The following VGF variants were observed in gnomAD, a reference collection of about 807,000 sequenced individuals.
VGF encodes the protein neurosecretory protein VGF.
Under a neutral mutation model 41.1 loss-of-function variants are expected in VGF, and 13 were observed. The ratio of observed to expected loss-of-function variants is 0.32; its 90% CI spans 0.21 to 0.50. The LOEUF (loss-of-function observed/expected upper bound fraction) is 0.50, where lower values mean the gene tolerates loss of function less well. Among genes scored for constraint, VGF ranks in the 20% least tolerant of loss-of-function variants. The pLI, the probability that VGF is intolerant of heterozygous loss-of-function variation, is 0.98. For missense variants in VGF, 920 were observed against 882.1 expected, an observed-to-expected ratio of 1.04 and a Z score of -0.54; for synonymous variants, 473 against 418.3, an observed-to-expected ratio of 1.13 and a Z score of -1.60.
Position 101,163,112 on chromosome 7 carries a change from C to G in VGF, c.1732G>C (p.Gly578Arg). 6.3e-7 allele frequency: 1 copy of G among 1,583,848 alleles called. No homozygotes were observed. The highest frequency in any genetic ancestry group is 8.6e-7 in the Non-Finnish European group (1 of 1,168,482). ...GCGCGCCGCGCCTGGGCCTCCCGGCCGGGATAGTGGCGCGAAGGCGGCAAG... is the reference window on the plus strand; with the variant it reads ...GCGCGCCGCGCCTGGGCCTCCCGGCGGGGATAGTGGCGCGAAGGCGGCAAG... ...HALPPSRHYP[G>R]REAQARRAQE... The change falls in exon 2 of 2, where the codon GGC (glycine) becomes CGC (arginine). Residue 578 changes from glycine to arginine, a missense_variant. By Grantham distance (125) the Gly-to-Arg change is moderately radical. Coordinates refer to ENST00000249330, the MANE Select transcript of VGF (RefSeq NM_003378.4). The surrounding 1 kb of genome is among the most constrained non-coding windows in gnomAD (Gnocchi z 5.0).
In VGF at chr7:101,164,674, G is replaced by A. The variant is rs1397920592; in HGVS notation, c.170C>T (p.Pro57Leu). ...AVPGPKDGSA[P>L]EVRGARNSEP... ...GGAATTCCGAGCGCCTCGGACCTCT[G>A]GGGCGCTGCCATCCTTTGGCCCGGG... The change falls in exon 2 of 2, where the codon CCA becomes CTA. Residue 57 changes from proline (P) to leucine (L), a missense_variant. By Grantham distance (98) the Pro-to-Leu change is moderately conservative. Coordinates refer to ENST00000249330, the MANE Select transcript of VGF (RefSeq NM_003378.4). The A allele has an allele frequency of 2.5e-6, 4 of 1,597,382 alleles. No individual in the cohort carries two copies. The East Asian group carries it at 9.1e-5, about 36-fold the overall frequency.
In VGF at chr7:101,163,078, T is replaced by A. The variant is rs746617291; in HGVS notation, c.1766A>T (p.Glu589Val). 6.3e-7 allele frequency: 1 copy of A among 1,576,194 alleles called. No individual in the cohort carries two copies. The highest frequency in any genetic ancestry group is 1.4e-5 in the African/African-American group (1 of 70,662). Residue 589 changes from glutamate to valine, a missense_variant, in exon 2 of 2, where the codon GAG (glutamate) becomes GTG (valine). Glu to Val is a moderately radical substitution (Grantham distance 121). Around this residue, in one of 3 missense-constraint regions of VGF, gnomAD observed 257 missense variants for 217.2 expected, o/e 1.18. Coordinates refer to ENST00000249330, the MANE Select transcript of VGF (RefSeq NM_003378.4). This position sits in a 1 kb window ranked among gnomAD's most constrained non-coding sequence, Gnocchi z 5.0. ...CAGCCGGCGCTCCTCCGCCTCCGCC[T>A]CCTCCTGCGCGCGCCGCGCCTGGGC... Reference protein sequence around the residue: ...REAQARRAQEEAEAEERRLQE... With the variant: ...REAQARRAQEVAEAEERRLQE...
rs1797191959 is a variant in VGF at position 101,164,799 on chromosome 7, C to T, written c.45G>A (p.Leu15=). 1.9e-6 allele frequency: 3 copies of T among 1,583,416 alleles called. No homozygotes were observed. Among genetic ancestry groups the T allele is most frequent in the Non-Finnish European group, 2.6e-6 (3 of 1,160,610 alleles). Residue 15 remains leucine (L), a synonymous_variant, in exon 2 of 2, where the codon CTG becomes CTA. Coordinates refer to ENST00000249330, the MANE Select transcript of VGF (RefSeq NM_003378.4). ...GTGCTGCCCCTAACCCGTTGATCAG[C>T]AGAAGGCAGAAGAGGGCGGAAGCCG... The part of the protein sequence containing the change: ...RLSASALFCL[L]LINGLGAAPP...
chr7:101,167,368 G>A (rs1466374008), upstream of VGF, among the ~76,000 whole-genome samples: 1 of 152,044 alleles, frequency 6.6e-6, no homozygotes. This position sits in a 1 kb window ranked among gnomAD's most constrained non-coding sequence, Gnocchi z 4.2. Flanking sequence ...CAAGGTGACA[G>A]TGGAGATTCC....
chr7:101,164,484 G>A lies in VGF; in HGVS notation c.360C>T (p.Arg120=). 6.2e-7 allele frequency: 1 copy of A among 1,601,908 alleles called. No homozygotes were observed. Among genetic ancestry groups the A allele is most frequent in the East Asian group, 2.2e-5 (1 of 44,812 alleles). The change falls in exon 2 of 2, where the codon CGC becomes CGT. Residue 120 remains arginine, a synonymous_variant. Transcript: ENST00000249330. ...GCGCCGGGAGGCTGTGGGTCTGGCT[G>A]CGCACGGTCTCGGTCAGCAGAGCTT... The part of the protein sequence containing the change: ...AAEALLTETV[R]SQTHSLPAPE...
upstream of VGF, among the ~76,000 whole-genome samples, chr7:101,166,518 G>C (rs929772782): frequency 2.7e-4 from 41 of 150,546 alleles, no homozygotes; most frequent in Non-Finnish European, 3.4e-4. Flanking sequence ...GCGCAGGTGG[G>C]GGGGGGGTGA....
Position 101,164,106 on chromosome 7 carries a change from C to A in VGF, c.738G>T (p.Lys246Asn). 6.7e-7 allele frequency: 1 copy of A among 1,501,206 alleles called. No individual in the cohort carries two copies. Among genetic ancestry groups the A allele is most frequent in the South Asian group, 1.3e-5 (1 of 75,202 alleles). The allele number at this position is 1,501,206 out of a possible 1,614,324, so 93.0% of individuals were successfully genotyped here. Residue 246 changes from lysine (K) to asparagine (N), a missense_variant, in exon 2 of 2, where the codon AAG becomes AAT. This residue lies in a region of VGF where 654 missense variants were observed against 638.4 expected (regional missense o/e 1.02). Transcript: ENST00000249330. ...PDSGPLPETH[K>N]FGEGVSSPKT... ...TGGGGGAGGACACTCCTTCCCCGAA[C>A]TTGTGGGTTTCGGGAAGGGGCCCGC... is the stretch of plus-strand genomic sequence containing the variant.
At chr7:101,167,939 G>C (rs138355562), upstream of VGF, among the ~76,000 whole-genome samples, 286 of 151,750 alleles carry the variant, frequency 1.9e-3, 1 homozygote, top group African/African-American at 6.6e-3. This position sits in a 1 kb window ranked among gnomAD's most constrained non-coding sequence, Gnocchi z 4.2. Context: ...ATTCCAGTCT[G>C]TGTGGCTGTG....
chr7:101,162,709 T>C lies in VGF; in HGVS notation c.*287A>G. 1.8e-6 allele frequency: 1 copy of C among 555,334 alleles called. No homozygotes were observed. The highest frequency in any genetic ancestry group is 4.5e-5 in the East Asian group (1 of 22,362). 34.4% of individuals were successfully genotyped at this position (555,334 alleles called of 1,614,324 possible). On this transcript the variant is annotated 3_prime_UTR_variant, in exon 2 of 2. Transcript: ENST00000249330. This position sits in a 1 kb window ranked among gnomAD's most constrained non-coding sequence, Gnocchi z 4.2. ...CTTTTTCCGGTTTCCGACGGGGACG[T>C]CCCCAGAGGGACTTGATGGGGCCGG...
At position 101,164,482 on chromosome 7, in the gene VGF, C is replaced by G. The variant is rs1797182334; in HGVS notation, c.362G>C (p.Ser121Thr). Residue 121 changes from serine (S) to threonine (T), a missense_variant, in exon 2 of 2, where the codon AGC (serine) becomes ACC (threonine). Ser to Thr is a moderately conservative substitution (Grantham distance 58, BLOSUM62 1). Transcript: ENST00000249330. ...AEALLTETVRSQTHSLPAPES... is the reference protein window; with the variant it reads ...AEALLTETVRTQTHSLPAPES... ...CGGCGCCGGGAGGCTGTGGGTCTGG[C>G]TGCGCACGGTCTCGGTCAGCAGAGC... is the stretch of plus-strand genomic sequence containing the variant. 1.9e-6 allele frequency: 3 copies of G among 1,601,968 alleles called. No homozygotes were observed. Among genetic ancestry groups the G allele is most frequent in the Non-Finnish European group, 2.5e-6 (3 of 1,178,948 alleles).
upstream of VGF, among the ~76,000 whole-genome samples, chr7:101,168,434 G>A (rs1797255851): frequency 6.6e-6 from 1 of 152,156 alleles, no homozygotes; most frequent in Non-Finnish European, 1.5e-5. Flanking sequence ...CTGGGGGTGA[G>A]CTGTGCCCTT....
At chr7:101,167,576 C>T (rs551636548), upstream of VGF, among the ~76,000 whole-genome samples, 338 of 151,984 alleles carry the variant, frequency 2.2e-3, 1 homozygote, top group African/African-American at 7.8e-3. The surrounding 1 kb of genome is among the most constrained non-coding windows in gnomAD (Gnocchi z 4.2). Flanking sequence ...AGAGAGATGG[C>T]TCAGACATCT....
At chr7:101,165,260 T>G in intron 1 of VGF, 114 bp downstream of exon 1, 3 of 988,288 alleles carry the variant, frequency 3.0e-6, no homozygotes, top group East Asian at 1.1e-4. Context: ...CGGGGACCCT[T>G]ACCAGGGGGC....
intron 1 of VGF, 103 bp from the exon 2 acceptor site, chr7:101,164,966 C>T (rs1797194889): frequency 2.1e-6 from 3 of 1,418,194 alleles, no homozygotes; most frequent in Non-Finnish European, 2.8e-6. Flanking sequence ...CCGGGGCTTC[C>T]CTGATCCCCC....
At chr7:101,169,947 C>T (rs1797280750), upstream of VGF, among the ~76,000 whole-genome samples, 1 of 152,248 alleles carries the variant, frequency 6.6e-6, no homozygotes, top group South Asian at 2.1e-4. Flanking sequence ...CGTCCGCGCA[C>T]GTCCTGGCGC....
upstream of VGF, among the ~76,000 whole-genome samples, chr7:101,167,922 A>T (rs1797244557): frequency 2.0e-5 from 3 of 149,682 alleles, no homozygotes; most frequent in African/African-American, 7.4e-5. The surrounding 1 kb of genome is among the most constrained non-coding windows in gnomAD (Gnocchi z 4.2). Context: ...TAACTATGTG[A>T]TGTTCTATTC....
Position 101,163,870 on chromosome 7 carries a change from G to A in VGF, c.974C>T (p.Ala325Val). 1 of 1,480,398 alleles carries A rather than the reference G, an allele frequency of 6.8e-7. No homozygotes were observed. Among genetic ancestry groups the A allele is most frequent in the South Asian group, 1.3e-5 (1 of 75,110 alleles). The allele number at this position is 1,480,398 out of a possible 1,614,324, so 91.7% of individuals were successfully genotyped here. A position where few individuals can be genotyped will look rare whatever the true frequency, so the allele number is the denominator to read the frequency against. ...GAGCAGCAGGTCCGAGGCGAGGTCG[G>A]CCAGCCGCTCTTCCTGCGCCGCGGC... ...RQAAAQEERLADLASDLLLQY... is the reference protein window; with the variant it reads ...RQAAAQEERLVDLASDLLLQY... Residue 325 changes from alanine to valine, a missense_variant, in exon 2 of 2, where the codon GCC (alanine) becomes GTC (valine). Coordinates refer to ENST00000249330, the MANE Select transcript of VGF (RefSeq NM_003378.4). This position sits in a 1 kb window ranked among gnomAD's most constrained non-coding sequence, Gnocchi z 5.0.
chr7:101,163,298 C>T lies in VGF; in HGVS notation c.1546G>A (p.Ala516Thr). Residue 516 changes from alanine (A) to threonine (T), a missense_variant, in exon 2 of 2, where the codon GCA becomes ACA. Physicochemically the swap from Ala to Thr is moderately conservative, Grantham distance 58 (BLOSUM62 0). Around this residue, in one of 3 missense-constraint regions of VGF, gnomAD observed 257 missense variants for 217.2 expected, o/e 1.18. Transcript: ENST00000249330. This position sits in a 1 kb window ranked among gnomAD's most constrained non-coding sequence, Gnocchi z 5.0. ...TTCCAGTCCGGCAGCTCGTCTCGTG[C>T]GGGAGCGGGGGCGGGGGGCGGGGGC... ...PQPPPPAPAP[A>T]RDELPDWNEV... 3 of 890,496 alleles carry T rather than the reference C, an allele frequency of 3.4e-6. No individual in the cohort carries two copies. Among genetic ancestry groups the T allele is most frequent in the Non-Finnish European group, 2.9e-6 (2 of 701,546 alleles). 55.2% of individuals were successfully genotyped at this position (890,496 alleles called of 1,614,324 possible).
chr7:101,164,183 C>A lies in VGF; in HGVS notation c.661G>T (p.Ala221Ser), dbSNP rs1005962922. 6.6e-7 allele frequency: 1 copy of A among 1,514,530 alleles called. No individual in the cohort carries two copies. The highest frequency in any genetic ancestry group is 2.1e-5 in the Admixed American group (1 of 47,200). 93.8% of individuals were successfully genotyped at this position (1,514,530 alleles called of 1,614,324 possible). A position where few individuals can be genotyped will look rare whatever the true frequency, so the allele number is the denominator to read the frequency against. Reference protein sequence around the residue: ...GEFQARVPERAPLPPPAPSQF... With the variant: ...GEFQARVPERSPLPPPAPSQF... ...GAGGGGGCCGGGGGCGGCAGGGGCG[C>A]GCGCTCCGGGACACGCGCCTGGAAC... The change falls in exon 2 of 2, where the codon GCG becomes TCG. Residue 221 changes from alanine to serine, a missense_variant. Physicochemically the swap from Ala to Ser is moderately conservative, Grantham distance 99. Around this residue, in one of 3 missense-constraint regions of VGF, gnomAD observed 654 missense variants for 638.4 expected, o/e 1.02. Coordinates refer to ENST00000249330, the MANE Select transcript of VGF (RefSeq NM_003378.4).
Sources: gnomAD v4.1 joint callset for allele counts (sites outside exome capture counted in the v4.1 genomes callset) on GRCh38, gnomAD v4.1.1 for gene constraint, gnomAD v4.1.1 regional missense constraint, Gnocchi (gnomAD v3.1) non-coding constraint, MANE v1.5 for transcripts, NCBI Gene and HGNC (gene_info 2026-07-23, HGNC 2026-07-21) for gene names.